The following DDX18 variants were observed in gnomAD, a reference collection of about 807,000 sequenced individuals.
The protein encoded by DDX18 is ATP-dependent RNA helicase DDX18.
DDX18 carries 23 observed loss-of-function variants against 73.5 expected under a neutral mutation model. The observed-to-expected ratio is 0.31, with a 90% CI of 0.23 to 0.44. The LOEUF is 0.44. DDX18 is among the 20% of genes least tolerant of loss of function. DDX18 has a pLI of 1.00. For synonymous variants in DDX18, 268 were observed against 282.7 expected (o/e 0.95, Z 0.52); for missense variants, 753 against 792.9 (o/e 0.95, Z 0.60).
At chr2:117,825,883 A>C in intron 10 of DDX18, 2 of 421,192 alleles carry the variant, frequency 4.7e-6, no homozygotes, top group Non-Finnish European at 8.4e-6. Context: ...AAATTGCTTA[A>C]GGAAGTAGAT....
rs773208966 is a variant in DDX18 at position 117,814,865 on chromosome 2, G to A, written c.85+3G>A. 4 of 1,614,138 alleles carry A rather than the reference G, an allele frequency of 2.5e-6. No homozygotes were observed. Among genetic ancestry groups the A allele is most frequent in the Non-Finnish European group, 3.4e-6 (4 of 1,179,982 alleles). ...GCAGCGGAACCTAAAGTTTCAGGGT[G>A]AGATGCGTTGACTCGCGGTGGCTCA... On this transcript the variant is annotated splice_donor_region_variant and intron_variant, in intron 1 of 13. Coordinates refer to ENST00000263239, the MANE Select transcript of DDX18 (RefSeq NM_006773.4).
At chr2:117,816,480 G>C (rs1047047804) in intron 1 of DDX18, among the ~76,000 whole-genome samples, 2 of 151,608 alleles carry the variant, frequency 1.3e-5, no homozygotes, top group African/African-American at 4.9e-5. Flanking sequence ...CAGTTTCACT[G>C]TCTTCCGCTT....
intron 4 of DDX18, 129 bp downstream of exon 4, chr2:117,821,425 C>T (rs1679845369): frequency 7.9e-7 from 1 of 1,258,156 alleles, no homozygotes; most frequent in Non-Finnish European, 1.1e-6. Context: ...ACATTAAAGG[C>T]TTTAAGTTAA....
At chr2:117,815,325 T>TA (rs1282196542) in intron 1 of DDX18, among the ~76,000 whole-genome samples, 1 of 152,230 alleles carries the variant, frequency 6.6e-6, no homozygotes, top group East Asian at 1.9e-4. Flanking sequence ...GCTTCTTTGA[T>TA]ACTATTGCCT....
At chr2:117,830,163 C>T (rs555714752) in intron 13 of DDX18, among the ~76,000 whole-genome samples, 66 of 152,216 alleles carry the variant, frequency 4.3e-4, no homozygotes, top group African/African-American at 1.2e-3. Context: ...GAATGTATGT[C>T]GAGTCCTGTG....
chr2:117,826,341 C>G lies in DDX18; in HGVS notation c.1594C>G (p.Pro532Ala). 6.2e-7 allele frequency: 1 copy of G among 1,613,908 alleles called. No individual in the cohort carries two copies. The highest frequency in any genetic ancestry group is 8.5e-7 in the Non-Finnish European group (1 of 1,179,968). The change falls in exon 11 of 14, where the codon CCA becomes GCA. Residue 532 changes from proline (P) to alanine (A), a missense_variant. Physicochemically the swap from Pro to Ala is conservative, Grantham distance 27. This residue lies in a region of DDX18 where 402 missense variants were observed against 419.4 expected (regional missense o/e 0.96). Transcript: ENST00000263239. ...AGGGCATGCCTTGCTCATTTTGCGC[C>G]CAGAAGAATTGGGTTTTCTTCGCTA... ...GRGHALLILR[P>A]EELGFLRYLK...
Position 117,825,117 on chromosome 2 carries a change from G to T in DDX18, c.1368+16G>T, listed in dbSNP as rs765100115. ...GGCCATTCATGTAAGTGATGATGAT[G>T]AGCTCATTGAAAACAGGGTATGCTT... On this transcript the variant is annotated intron_variant, in intron 9 of 13. Coordinates refer to ENST00000263239, the MANE Select transcript of DDX18 (RefSeq NM_006773.4). The T allele has an allele frequency of 6.4e-7, 1 of 1,573,024 alleles. No homozygotes were observed. The highest frequency in any genetic ancestry group is 8.7e-7 in the Non-Finnish European group (1 of 1,152,354).
intron 9 of DDX18, 34 bp downstream of exon 9, chr2:117,825,135 G>A: frequency 6.3e-7 from 1 of 1,592,466 alleles, no homozygotes; most frequent in Non-Finnish European, 8.5e-7. Context: ...TGAAAACAGG[G>A]TATGCTTATT....
chr2:117,822,306 A>T (rs776440050), intron 7 of DDX18, 45 bp downstream of exon 7: 1 of 1,460,794 alleles, frequency 6.8e-7, no homozygotes, highest in South Asian at 1.1e-5. Flanking sequence ...TATCTGTTGG[A>T]GGTAGATAAG....
chr2:117,826,556 G>A, intron 11 of DDX18, 174 bp downstream of exon 11: 1 of 629,166 alleles, frequency 1.6e-6, no homozygotes, highest in Non-Finnish European at 2.8e-6. Flanking sequence ...AGCACAGAAG[G>A]AACTGCCCAC....
rs993376755 is a variant in DDX18, at chr2:117,824,648, G to C, written c.1146G>C (p.Glu382Asp). The C allele has an allele frequency of 2.0e-6, 3 of 1,496,242 alleles. No homozygotes were observed. The highest frequency in any genetic ancestry group is 2.9e-5 in the African/African-American group (2 of 69,598). The allele number at this position is 1,496,242 out of a possible 1,614,324, so 92.7% of individuals were successfully genotyped here. ...EDLARISLKK[E>D]PLYVGVDDDK... ...TGGCAAGGATTTCTCTGAAAAAGGA[G>C]CCATTGTATGTTGGCGTTGATGATG... is the stretch of plus-strand genomic sequence containing the variant. Residue 382 changes from glutamate (E) to aspartate (D), a missense_variant, in exon 8 of 14, where the codon GAG becomes GAC. Physicochemically the swap from Glu to Asp is conservative, Grantham distance 45. Coordinates refer to ENST00000263239, the MANE Select transcript of DDX18 (RefSeq NM_006773.4).
rs1679849502 is a variant in DDX18, at chr2:117,821,712, T to C, written c.713T>C (p.Val238Ala). ...GKTLAFLIPA[V>A]ELIVKLRFMP... is the part of the protein sequence containing the mutation. ...ACCCTGGCTTTTCTCATCCCTGCAG[T>C]TGAACTCATTGTTAAGTTAAGGTTC... Residue 238 changes from valine (V) to alanine (A), a missense_variant, in exon 5 of 14, where the codon GTT becomes GCT. Val to Ala is a moderately conservative substitution (Grantham distance 64). Around this residue, in one of 3 missense-constraint regions of DDX18, gnomAD observed 345 missense variants for 352.0 expected, o/e 0.98. Coordinates refer to ENST00000263239, the MANE Select transcript of DDX18 (RefSeq NM_006773.4). The C allele has an allele frequency of 6.2e-7, 1 of 1,613,944 alleles. No homozygotes were observed. The highest frequency in any genetic ancestry group is 1.7e-5 in the Admixed American group (1 of 59,982).
In DDX18 at chr2:117,825,179, C is replaced by T. The variant is rs987362767; in HGVS notation, c.1368+78C>T. 4.7e-6 allele frequency: 7 copies of T among 1,504,464 alleles called. No homozygotes were observed. In the Admixed American group the frequency reaches 1.2e-4, roughly 26 times the overall value. The allele number at this position is 1,504,464 out of a possible 1,614,324, so 93.2% of individuals were successfully genotyped here. On this transcript the variant is annotated intron_variant, in intron 9 of 13. Transcript: ENST00000263239. Reference sequence around the variant, plus strand: ...TAGATTGTAGGATTGGAGGTATTGCCCTCTCCTGGAAACATTGTTCTGAGT... The same window carrying T: ...TAGATTGTAGGATTGGAGGTATTGCTCTCTCCTGGAAACATTGTTCTGAGT...
intron 4 of DDX18, 132 bp downstream of exon 4, chr2:117,821,428 T>C: frequency 8.1e-7 from 1 of 1,231,398 alleles, no homozygotes; most frequent in Non-Finnish European, 1.1e-6. Flanking sequence ...TTAAAGGCTT[T>C]AAGTTAATTA....
chr2:117,829,033 A>T (rs1350884291), intron 12 of DDX18, 28 bp downstream of exon 12: 1 of 1,580,884 alleles, frequency 6.3e-7, no homozygotes, highest in Non-Finnish European at 8.7e-7. Flanking sequence ...GTTTGTGAGT[A>T]AACAGGAACC....
intron 8 of DDX18, 108 bp from the exon 9 acceptor site, chr2:117,824,832 A>G: frequency 1.4e-6 from 2 of 1,463,810 alleles, no homozygotes; most frequent in Non-Finnish European, 1.8e-6. Flanking sequence ...GTGAGGCATG[A>G]CAGTTTACAC....
In DDX18 at chr2:117,819,796, A is replaced by G. The variant is rs780687052; in HGVS notation, c.514+4A>G. The G allele has an allele frequency of 5.7e-6, 9 of 1,566,248 alleles. No homozygotes were observed. The East Asian group carries it at 1.8e-4, about 32-fold the overall frequency. On this transcript the variant is annotated splice_donor_region_variant and intron_variant, in intron 3 of 13. Transcript: ENST00000263239. The stretch of plus-strand genomic sequence containing the variant: ...AGTCTGCCCCTGGGACTGACAGGTA[A>G]CGTCCAGGAAGTTTTCTAGAGGTAA...
intron 12 of DDX18, 127 bp from the exon 13 acceptor site, chr2:117,829,162 T>C (rs553916890): frequency 1.7e-4 from 202 of 1,171,164 alleles, no homozygotes; most frequent in Non-Finnish European, 2.3e-4. Flanking sequence ...ATTCTAGTTA[T>C]CACCACTCTG....
chr2:117,829,614 C>T, intron 13 of DDX18, 148 bp downstream of exon 13: 1 of 787,962 alleles, frequency 1.3e-6, no homozygotes, highest in African/African-American at 1.7e-5. Context: ...CTTTTCTGTG[C>T]TAGCACAGGA....
Sources: allele counts gnomAD v4.1 joint callset (sites outside exome capture counted in the v4.1 genomes callset), GRCh38; gene constraint gnomAD v4.1.1; regional missense constraint gnomAD v4.1.1; transcripts MANE v1.5; gene names NCBI Gene and HGNC (gene_info 2026-07-23, HGNC 2026-07-21).